ELMO1: variants seen among roughly 807,000 people sequenced by gnomAD.
ELMO1 encodes engulfment and cell motility protein 1.
In ELMO1, 26 loss-of-function variants were observed where a neutral mutation model predicts 98.9. The ratio of observed to expected loss-of-function variants is 0.26; its 90% confidence interval spans 0.19 to 0.36. The LOEUF (loss-of-function observed/expected upper bound fraction) is 0.36. ELMO1 is among the 10% of genes least tolerant of loss of function. ELMO1 has a pLI of 1.00. For synonymous variants in ELMO1, 346 were observed against 346.0 expected, an observed-to-expected ratio of 1.00 and a Z score of 0.00; for missense variants, 627 against 935.2, an observed-to-expected ratio of 0.67 and a Z score of 4.30.
intron 1 of ELMO1, among the ~76,000 whole-genome samples, chr7:37,431,352 T>G (rs113903954): frequency 6.5e-5 from 4 of 61,668 alleles, no homozygotes; most frequent in African/African-American, 1.5e-4. Flanking sequence ...TAAAAAAAAA[T>G]TAATTAATTT....
At chr7:37,329,957 C>T (rs1017880124) in intron 2 of ELMO1, among the ~76,000 whole-genome samples, 5 of 152,158 alleles carry the variant, frequency 3.3e-5, no homozygotes, top group Non-Finnish European at 7.3e-5. Flanking sequence ...ATTTTGCCCT[C>T]AAAAAACAAT....
chr7:37,251,213 C>A (rs1300003041), intron 6 of ELMO1, among the ~76,000 whole-genome samples: 1 of 152,146 alleles, frequency 6.6e-6, no homozygotes, highest in Non-Finnish European at 1.5e-5. Context: ...GTTTTGATAT[C>A]CATCTTTTTG....
At chr7:37,185,479 G>A (rs754502004) in intron 13 of ELMO1, among the ~76,000 whole-genome samples, 2 of 152,220 alleles carry the variant, frequency 1.3e-5, no homozygotes, top group Non-Finnish European at 2.9e-5. Flanking sequence ...TTTCTGGGCA[G>A]GGGCTTGTAG....
chr7:36,938,608 T>C (rs1371310476), intron 16 of ELMO1, among the ~76,000 whole-genome samples: 1 of 152,224 alleles, frequency 6.6e-6, no homozygotes, highest in Non-Finnish European at 1.5e-5. Flanking sequence ...ATTTAAGGTA[T>C]GCATATATCA....
chr7:37,364,608 C>A (rs1801825719), intron 1 of ELMO1, among the ~76,000 whole-genome samples: 1 of 146,824 alleles, frequency 6.8e-6, no homozygotes, highest in Non-Finnish European at 1.5e-5. Flanking sequence ...AGAATACTTA[C>A]CTTCTGTAAT....
At position 37,168,610 on chromosome 7, in the gene ELMO1, C is replaced by G. The variant is rs560680714; in HGVS notation, c.1087-35376G>C. Among the ~76,000 whole-genome samples the G allele has an allele frequency of 6.8e-4, 103 of 152,204 alleles. 1 individual carries two copies. Among genetic ancestry groups the G allele is most frequent in the Non-Finnish European group, 1.3e-3 (90 of 68,016 alleles). On this transcript the variant is annotated intron_variant, in intron 13 of 21. Transcript: ENST00000310758. ...AGTTTGCTAGAGGTCCACTTCAGACCCTGTTTGCCTGGGTATCAGCAGCGG... is the reference window on the plus strand; with the variant it reads ...AGTTTGCTAGAGGTCCACTTCAGACGCTGTTTGCCTGGGTATCAGCAGCGG...
chr7:37,228,142 T>C (rs770915622), intron 8 of ELMO1, among the ~76,000 whole-genome samples: 18 of 152,220 alleles, frequency 1.2e-4, no homozygotes, highest in Admixed American at 5.2e-4. Flanking sequence ...TCAAATGACC[T>C]AATACTTCCA....
At chr7:37,207,334 T>C (rs1792691374) in intron 13 of ELMO1, among the ~76,000 whole-genome samples, 1 of 152,152 alleles carries the variant, frequency 6.6e-6, no homozygotes, top group Admixed American at 6.5e-5. Flanking sequence ...GTGGTTCACC[T>C]GAGATCAGAA....
At chr7:37,363,816 T>C (rs887831269) in intron 1 of ELMO1, among the ~76,000 whole-genome samples, 3 of 152,082 alleles carry the variant, frequency 2.0e-5, no homozygotes, top group African/African-American at 7.2e-5. Context: ...TTGGTAGAAG[T>C]TGAAAGAGAA....
intron 16 of ELMO1, among the ~76,000 whole-genome samples, chr7:36,916,833 C>T (rs144564686): frequency 1.3e-5 from 2 of 152,248 alleles, no homozygotes. Context: ...ATCAGCCTCA[C>T]ATTTTCCTAG....
chr7:36,999,973 T>C (rs183115052), intron 16 of ELMO1, among the ~76,000 whole-genome samples: 1 of 152,284 alleles, frequency 6.6e-6, no homozygotes, highest in African/African-American at 2.4e-5. Context: ...CTCACAGCCT[T>C]TTTTTTCTGG....
intron 16 of ELMO1, among the ~76,000 whole-genome samples, chr7:36,918,024 A>T (rs1784844124): frequency 6.8e-6 from 1 of 146,162 alleles, no homozygotes; most frequent in Non-Finnish European, 1.6e-5. Context: ...AAACAAACAC[A>T]CACAAAAATA....
At chr7:36,922,918 G>A (rs1334601220) in intron 16 of ELMO1, among the ~76,000 whole-genome samples, 2 of 152,164 alleles carry the variant, frequency 1.3e-5, no homozygotes, top group Admixed American at 1.3e-4. Context: ...TAAAGGTGAC[G>A]ATGAGTAGAA....
At chr7:36,951,906 A>G (rs930028981) in intron 16 of ELMO1, among the ~76,000 whole-genome samples, 4 of 152,196 alleles carry the variant, frequency 2.6e-5, no homozygotes, top group Non-Finnish European at 5.9e-5. Flanking sequence ...CAGGCACTCA[A>G]TAGATGTTTA....
At chr7:37,030,543 AT>A (rs1794824589) in intron 15 of ELMO1, among the ~76,000 whole-genome samples, 1 of 152,282 alleles carries the variant, frequency 6.6e-6, no homozygotes, top group East Asian at 1.9e-4. Context: ...TAAGAAAGAC[AT>A]TCTATCGAGT....
At chr7:36,891,133 T>A (rs894049658) in intron 17 of ELMO1, among the ~76,000 whole-genome samples, 8 of 152,266 alleles carry the variant, frequency 5.3e-5, no homozygotes, top group Non-Finnish European at 1.0e-4. Context: ...TTGCTTTGTG[T>A]CTCCACTGCA....
At chr7:37,200,607 C>A (rs374764317) in intron 13 of ELMO1, among the ~76,000 whole-genome samples, 41 of 152,278 alleles carry the variant, frequency 2.7e-4, no homozygotes, top group African/African-American at 9.4e-4. Context: ...AACTCCCTGA[C>A]AGTTTTTGCT....
intron 16 of ELMO1, among the ~76,000 whole-genome samples, chr7:36,955,549 TA>T (rs747165999): frequency 2.0e-5 from 3 of 152,214 alleles, no homozygotes; most frequent in Non-Finnish European, 4.4e-5. Flanking sequence ...TTGGAGTATG[TA>T]AGTATCAAAT....
Position 36,855,462 on chromosome 7 carries a change from C to T in ELMO1, c.*89G>A, listed in dbSNP as rs368359705. ...CCCACAGCTTCCCTTTACCAAAGGACGGTTCCAAGGCGTGGGTGTGTTTTC... is the reference window on the plus strand; with the variant it reads ...CCCACAGCTTCCCTTTACCAAAGGATGGTTCCAAGGCGTGGGTGTGTTTTC... On this transcript the variant is annotated 3_prime_UTR_variant, in exon 22 of 22. Transcript: ENST00000310758. The surrounding 1 kb of genome is among the most constrained non-coding windows in gnomAD (Gnocchi z 4.2). 27 of 1,524,100 alleles carry T rather than the reference C, an allele frequency of 1.8e-5. No homozygotes were observed. The highest frequency in any genetic ancestry group is 3.4e-5 in the Admixed American group (2 of 58,686). 94.4% of individuals were successfully genotyped at this position (1,524,100 alleles called of 1,614,324 possible).
Sources: allele counts gnomAD v4.1 joint callset (sites outside exome capture counted in the v4.1 genomes callset), GRCh38; gene constraint gnomAD v4.1.1; non-coding constraint Gnocchi (gnomAD v3.1); transcripts MANE v1.5; gene names NCBI Gene and HGNC (gene_info 2026-07-23, HGNC 2026-07-21).